The following CDKAL1 variants were observed in gnomAD, a reference collection of about 807,000 sequenced individuals.
CDKAL1 encodes the protein threonylcarbamoyladenosine tRNA methylthiotransferase.
A neutral mutation model predicts 68.2 loss-of-function variants in CDKAL1; 32 were observed. The ratio of observed to expected loss-of-function variants is 0.47; its 90% CI spans 0.35 to 0.63. CDKAL1 has a LOEUF of 0.63. Ranked by LOEUF, CDKAL1 falls within the 30% of genes least tolerant of loss-of-function variation. The probability of loss-of-function intolerance (pLI) is 0.00; values close to 1 mark genes in which losing one functional copy is unlikely to be tolerated. For missense variants in CDKAL1, 606 were observed against 696.7 expected, an observed-to-expected ratio of 0.87 and a Z score of 1.47; for synonymous variants, 234 against 244.3, an observed-to-expected ratio of 0.96 and a Z score of 0.39.
At chr6:20,544,590 C>T (rs1311609757) in intron 2 of CDKAL1, among the ~76,000 whole-genome samples, 46 of 98,046 alleles carry the variant, frequency 4.7e-4, no homozygotes, top group African/African-American at 1.9e-3. Context: ...AGCGAAACTC[C>T]GTCTCAAAAA....
chr6:20,683,136 T>C (rs780258419), intron 5 of CDKAL1, among the ~76,000 whole-genome samples: 13 of 152,114 alleles, frequency 8.5e-5, no homozygotes, highest in East Asian at 1.9e-4. Flanking sequence ...TTATATTTTA[T>C]TGAGTAATGT....
chr6:20,588,068 G>A (rs1044361824), intron 4 of CDKAL1, among the ~76,000 whole-genome samples: 2 of 152,178 alleles, frequency 1.3e-5, no homozygotes, highest in Non-Finnish European at 2.9e-5. Context: ...CTGCACTCCA[G>A]CCTGGGCGAC....
chr6:21,194,067 C>T (rs1231743898), intron 13 of CDKAL1, among the ~76,000 whole-genome samples: 1 of 152,222 alleles, frequency 6.6e-6, no homozygotes, highest in African/African-American at 2.4e-5. Context: ...CACATTATAA[C>T]ACCAGGCTCT....
At chr6:20,803,489 T>C (rs1776449416) in intron 8 of CDKAL1, among the ~76,000 whole-genome samples, 1 of 152,206 alleles carries the variant, frequency 6.6e-6, no homozygotes, top group Non-Finnish European at 1.5e-5. Context: ...ATTTTTATCA[T>C]AATATATTCT....
At chr6:20,616,769 T>A (rs1190901261) in intron 4 of CDKAL1, among the ~76,000 whole-genome samples, 2 of 150,730 alleles carry the variant, frequency 1.3e-5, no homozygotes, top group Non-Finnish European at 2.9e-5. Flanking sequence ...TTTGGGAGGC[T>A]GAGGTGGGCA....
intron 10 of CDKAL1, among the ~76,000 whole-genome samples, chr6:20,963,618 C>A (rs1765162198): frequency 6.6e-6 from 1 of 152,184 alleles, no homozygotes; most frequent in Admixed American, 6.5e-5. Flanking sequence ...CACTTTGTTG[C>A]TGCTGAATGT....
chr6:21,121,231 A>C (rs1201168488), intron 13 of CDKAL1, among the ~76,000 whole-genome samples: 1 of 152,182 alleles, frequency 6.6e-6, no homozygotes, highest in African/African-American at 2.4e-5. Context: ...AATAGCCACA[A>C]AAACAGAGTG....
At chr6:20,582,481 T>C (rs1480689257) in intron 4 of CDKAL1, among the ~76,000 whole-genome samples, 1 of 152,214 alleles carries the variant, frequency 6.6e-6, no homozygotes, top group Non-Finnish European at 1.5e-5. Flanking sequence ...AGCAATTTTA[T>C]CTAAACTCTT....
At chr6:20,783,200 G>T (rs1213480987) in intron 8 of CDKAL1, among the ~76,000 whole-genome samples, 1 of 12,048 alleles carries the variant, frequency 8.3e-5, no homozygotes, top group East Asian at 0.083. Flanking sequence ...AAAATGTTGG[G>T]ATTACAGGCA....
chr6:20,956,074 A>G (rs1764761669), intron 10 of CDKAL1, among the ~76,000 whole-genome samples: 1 of 152,328 alleles, frequency 6.6e-6, no homozygotes, highest in Admixed American at 6.5e-5. Context: ...GTTGAATCAG[A>G]GGGACACAGA....
chr6:20,661,817 G>A (rs1467424295), intron 5 of CDKAL1, among the ~76,000 whole-genome samples: 2 of 152,192 alleles, frequency 1.3e-5, no homozygotes, highest in Admixed American at 6.5e-5. Context: ...AAGCAAGAGA[G>A]TGAGTGAAAG....
chr6:20,718,738 T>C (rs886155540), intron 5 of CDKAL1, among the ~76,000 whole-genome samples: 1 of 152,188 alleles, frequency 6.6e-6, no homozygotes, highest in Non-Finnish European at 1.5e-5. Flanking sequence ...CTGCTGGAGA[T>C]TAGCATCTTC....
At chr6:20,741,213 T>C (rs34933309) in intron 6 of CDKAL1, among the ~76,000 whole-genome samples, 29,684 of 151,900 alleles carry the variant, frequency 0.2, 3,324 homozygotes, top group East Asian at 0.34. Context: ...GTCACAGCTT[T>C]GTGTCAGTCC....
intron 5 of CDKAL1, among the ~76,000 whole-genome samples, chr6:20,728,231 G>A (rs1772742201): frequency 6.6e-6 from 1 of 152,120 alleles, no homozygotes; most frequent in Non-Finnish European, 1.5e-5. Context: ...GTTCTTTGAA[G>A]CAAAAATTCC....
intron 5 of CDKAL1, among the ~76,000 whole-genome samples, chr6:20,696,005 A>T (rs1771090057): frequency 1.3e-5 from 2 of 152,296 alleles, no homozygotes; most frequent in South Asian, 4.1e-4. Context: ...ACTGTTCCAG[A>T]TTCCTTTATA....
chr6:20,710,207 C>T (rs1771784965), intron 5 of CDKAL1, among the ~76,000 whole-genome samples: 1 of 152,120 alleles, frequency 6.6e-6, no homozygotes, highest in Non-Finnish European at 1.5e-5. Flanking sequence ...CAAGTTTCAT[C>T]TTCCTAAATT....
intron 12 of CDKAL1, among the ~76,000 whole-genome samples, chr6:21,102,701 G>GA (rs1773641904): frequency 6.6e-6 from 1 of 152,208 alleles, no homozygotes; most frequent in African/African-American, 2.4e-5. Context: ...GTATTACCTG[G>GA]AATTGCACTC....
At chr6:20,812,584 T>A (rs1438536557) in intron 8 of CDKAL1, among the ~76,000 whole-genome samples, 1 of 152,218 alleles carries the variant, frequency 6.6e-6, no homozygotes, top group African/African-American at 2.4e-5. Flanking sequence ...CTTCTGTCAG[T>A]ATAGATTAGC....
intron 9 of CDKAL1, among the ~76,000 whole-genome samples, chr6:20,937,055 A>G (rs1763754521): frequency 6.6e-6 from 1 of 152,162 alleles, no homozygotes; most frequent in African/African-American, 2.4e-5. Flanking sequence ...TAATAAGAGT[A>G]CATTTACCCT....
Sources: allele counts gnomAD v4.1 joint callset (sites outside exome capture counted in the v4.1 genomes callset), GRCh38; gene constraint gnomAD v4.1.1; transcripts MANE v1.5; gene names NCBI Gene and HGNC (gene_info 2026-07-23, HGNC 2026-07-21).